The following RDH10 variants were observed in gnomAD, a reference collection of about 807,000 sequenced individuals.
RDH10 encodes retinol dehydrogenase 10, also known as retinol dehydrogenase 10 (all-trans).
A neutral mutation model predicts 30.2 loss-of-function variants in RDH10; 12 were observed. That is an observed-to-expected ratio of 0.40 (90% confidence interval 0.25 to 0.64). The LOEUF is 0.64. Ranked by LOEUF, RDH10 falls within the 30% of genes least tolerant of loss-of-function variation. The pLI is 0.43. For synonymous variants in RDH10, 189 were observed against 172.2 expected (o/e 1.10, Z -0.76); for missense variants, 268 against 445.2 (o/e 0.60, Z 3.58).
At position 73,325,084 on chromosome 8, in the gene RDH10, G is replaced by A. The variant is rs1016734031; in HGVS notation, c.*2048G>A. On this transcript the variant is annotated 3_prime_UTR_variant, in exon 6 of 6. Coordinates refer to ENST00000240285, the MANE Select transcript of RDH10 (RefSeq NM_172037.5). ...AGATTATCCAGGTCTGCCTCCCAGC[G>A]AGCCTGGAGTACACCAGACCCTCCT... is the stretch of plus-strand genomic sequence containing the variant. 8 of 152,192 alleles carry A rather than the reference G, an allele frequency of 5.3e-5. No homozygotes were observed. Among genetic ancestry groups the A allele is most frequent in the African/African-American group, 7.2e-5 (3 of 41,436 alleles). The allele number at this position is 152,192 out of a possible 1,614,324, so 9.4% of individuals were successfully genotyped here. A position where few individuals can be genotyped will look rare whatever the true frequency, so the allele number is the denominator to read the frequency against.
At chr8:73,301,783 G>A (rs1814382330) in intron 2 of RDH10, among the ~76,000 whole-genome samples, 1 of 152,108 alleles carries the variant, frequency 6.6e-6, no homozygotes, top group African/African-American at 2.4e-5. Context: ...GCATTATGTT[G>A]GACTAAAGCT....
At chr8:73,315,433 CTATTT>C (rs753840693) in intron 2 of RDH10, 2 of 309,260 alleles carry the variant, frequency 6.5e-6, no homozygotes, top group Non-Finnish European at 1.3e-5. Context: ...CAAACTGGAA[CTATTT>C]TATTTAATTT....
chr8:73,295,664 C>T, intron 1 of RDH10, 86 bp downstream of exon 1: 2 of 1,287,304 alleles, frequency 1.6e-6, no homozygotes, highest in Non-Finnish European at 1.0e-6. Context: ...ACCCCGCTGC[C>T]TGGTCAGCCC....
At chr8:73,301,152 G>A (rs1814367539) in intron 2 of RDH10, among the ~76,000 whole-genome samples, 1 of 138,292 alleles carries the variant, frequency 7.2e-6, no homozygotes, top group Non-Finnish European at 1.5e-5. Flanking sequence ...CCAGGTTCAC[G>A]CCATTCTCCT....
intron 2 of RDH10, among the ~76,000 whole-genome samples, chr8:73,305,877 C>G (rs937516531): frequency 1.3e-5 from 2 of 152,114 alleles, no homozygotes; most frequent in African/African-American, 4.8e-5. Flanking sequence ...GGGTTAAGTT[C>G]AATATTTTGA....
chr8:73,319,992 T>C (rs933045930), intron 3 of RDH10, among the ~76,000 whole-genome samples: 2 of 152,236 alleles, frequency 1.3e-5, no homozygotes, highest in Non-Finnish European at 1.5e-5. Flanking sequence ...ATTATTTAAA[T>C]AGCACCTATA....
Position 73,297,440 on chromosome 8 carries a change from A to G in RDH10, c.525+11A>G. On this transcript the variant is annotated intron_variant, in intron 2 of 5. Coordinates refer to ENST00000240285, the MANE Select transcript of RDH10 (RefSeq NM_172037.5). ...CATGCACACTTCTGGGTAAATATAA[A>G]CATCCTTGTTTTCTTTGCTGGGCCC... 1 of 1,573,190 alleles carries G rather than the reference A, an allele frequency of 6.4e-7. No individual in the cohort carries two copies. Among genetic ancestry groups the G allele is most frequent in the Non-Finnish European group, 8.8e-7 (1 of 1,142,774 alleles).
chr8:73,311,722 A>G (rs1478099953), intron 2 of RDH10: 2 of 152,232 alleles, frequency 1.3e-5, no homozygotes, highest in South Asian at 2.1e-4. Context: ...TAAAGAGTGA[A>G]TGTTTTGTCC....
chr8:73,301,918 G>A (rs1266531230), intron 2 of RDH10, among the ~76,000 whole-genome samples: 1 of 152,168 alleles, frequency 6.6e-6, no homozygotes, highest in Non-Finnish European at 1.5e-5. Context: ...ACTATTTTGT[G>A]TTAGAACTCT....
chr8:73,294,639 G>A lies in RDH10; in HGVS notation c.-651G>A. The A allele has an allele frequency of 3.0e-6, 1 of 332,742 alleles. No homozygotes were observed. Among genetic ancestry groups the A allele is most frequent in the Non-Finnish European group, 5.4e-6 (1 of 184,346 alleles). The allele number at this position is 332,742 out of a possible 1,614,324, so 20.6% of individuals were successfully genotyped here. A position where few individuals can be genotyped will look rare whatever the true frequency, so the allele number is the denominator to read the frequency against. ...GAGCGCTCTGACTTGCAAGCGGGCT[G>A]CGCTGCGGAGCCCAGTGCCCGAGTG... is the stretch of plus-strand genomic sequence containing the variant. On this transcript the variant is annotated 5_prime_UTR_variant, in exon 1 of 6. Transcript: ENST00000240285.
chr8:73,307,548 C>A (rs1814484953), intron 2 of RDH10, among the ~76,000 whole-genome samples: 1 of 152,212 alleles, frequency 6.6e-6, no homozygotes, highest in South Asian at 2.1e-4. Context: ...TTGAGCCTCA[C>A]AGCAACTCTG....
At chr8:73,305,007 G>C (rs956163562) in intron 2 of RDH10, among the ~76,000 whole-genome samples, 1 of 152,078 alleles carries the variant, frequency 6.6e-6, no homozygotes, top group African/African-American at 2.4e-5. Flanking sequence ...TACATCCCAG[G>C]CTTTATCCAT....
At chr8:73,311,852 C>T (rs1814569993) in intron 2 of RDH10, 1 of 152,100 alleles carries the variant, frequency 6.6e-6, no homozygotes, top group Non-Finnish European at 1.5e-5. Flanking sequence ...TACAAACATA[C>T]CCAACTAGGA....
At chr8:73,322,234 G>T in intron 4 of RDH10, 1 of 330,006 alleles carries the variant, frequency 3.0e-6, no homozygotes, top group South Asian at 2.5e-5. Flanking sequence ...TCCCTCTTCC[G>T]GCATCCTGGA....
chr8:73,318,988 T>A, intron 2 of RDH10, 108 bp from the exon 3 acceptor site: 1 of 690,410 alleles, frequency 1.4e-6, no homozygotes. Flanking sequence ...TTAAAGGAAT[T>A]GGGAAACAAA....
chr8:73,298,961 T>C (rs1814328760), intron 2 of RDH10, among the ~76,000 whole-genome samples: 1 of 152,160 alleles, frequency 6.6e-6, no homozygotes, highest in Admixed American at 6.5e-5. Flanking sequence ...ATTGCAGGCA[T>C]GCACCACCAC....
Position 73,295,083 on chromosome 8 carries a change from G to T in RDH10, c.-207G>T, listed in dbSNP as rs1411561942. The T allele has an allele frequency of 1.7e-5, 6 of 352,550 alleles. No individual in the cohort carries two copies. Among genetic ancestry groups the T allele is most frequent in the Admixed American group, 4.9e-5 (1 of 20,326 alleles). The allele number at this position is 352,550 out of a possible 1,614,324, so 21.8% of individuals were successfully genotyped here. ...GCGGCGGGCACAGTCCGGGGCCACA[G>T]CGCCGAGCCCGGGCGGGAGTGGCCC... On this transcript the variant is annotated 5_prime_UTR_variant, in exon 1 of 6. Transcript: ENST00000240285.
chr8:73,322,036 C>T (rs756598897), intron 4 of RDH10: 21 of 455,576 alleles, frequency 4.6e-5, no homozygotes, highest in Non-Finnish European at 7.1e-5. Flanking sequence ...GAGGGTCTTG[C>T]GGAGCTCTGT....
intron 2 of RDH10, among the ~76,000 whole-genome samples, chr8:73,317,013 T>A (rs1358188574): frequency 6.6e-6 from 1 of 152,138 alleles, no homozygotes; most frequent in African/African-American, 2.4e-5. Context: ...ATCCAAACCG[T>A]ATCACTAGCT....
Sources: allele counts gnomAD v4.1 joint callset (sites outside exome capture counted in the v4.1 genomes callset), GRCh38; gene constraint gnomAD v4.1.1; transcripts MANE v1.5; gene names NCBI Gene and HGNC (gene_info 2026-07-23, HGNC 2026-07-21).